Variants in VSX2 observed in about 807,000 individuals in gnomAD.
VSX2 encodes the protein visual system homeobox 2, also known as ceh-10 homeo domain containing homolog.
VSX2 carries 28 observed loss-of-function variants against 32.1 expected under a neutral mutation model. The ratio of observed to expected loss-of-function variants is 0.87; its 90% CI spans 0.65 to 1.20. The LOEUF is 1.20. VSX2 is among the 50% of genes most tolerant of loss of function. The pLI, the probability that VSX2 is intolerant of heterozygous loss-of-function variation, is 0.00. For missense variants in VSX2, 506 were observed against 488.7 expected, an observed-to-expected ratio of 1.04 and a Z score of -0.33; for synonymous variants, 243 against 214.1, an observed-to-expected ratio of 1.14 and a Z score of -1.18.
chr14:74,260,581 C>A lies in VSX2; in HGVS notation c.761-13C>A. The A allele has an allele frequency of 6.3e-7, 1 of 1,592,646 alleles. No individual in the cohort carries two copies. Among genetic ancestry groups the A allele is most frequent in the Non-Finnish European group, 8.5e-7 (1 of 1,169,868 alleles). Reference sequence around the variant, plus strand: ...GCGCTTTTCTAAACCCGAATACCAACAATTCTTTCTAGGGATGCACAAAAA... The same window carrying A: ...GCGCTTTTCTAAACCCGAATACCAAAAATTCTTTCTAGGGATGCACAAAAA... On this transcript the variant is annotated splice_polypyrimidine_tract_variant and intron_variant, in intron 4 of 4. Coordinates refer to ENST00000261980, the MANE Select transcript of VSX2 (RefSeq NM_182894.3).
chr14:74,259,904 T>C, intron 4 of VSX2, 122 bp downstream of exon 4: 1 of 1,095,372 alleles, frequency 9.1e-7, no homozygotes, highest in Non-Finnish European at 1.3e-6. Context: ...GGAGAGAAAT[T>C]CTTCAAAGCA....
chr14:74,258,531 C>T (rs1158628065), intron 3 of VSX2, among the ~76,000 whole-genome samples: 2 of 152,146 alleles, frequency 1.3e-5, no homozygotes, highest in Non-Finnish European at 2.9e-5. Flanking sequence ...ACTCGCTGCC[C>T]CCGGGGTCTG....
At chr14:74,244,610 G>C (rs894538808) in intron 2 of VSX2, among the ~76,000 whole-genome samples, 3 of 152,176 alleles carry the variant, frequency 2.0e-5, no homozygotes, top group Admixed American at 2.0e-4. Context: ...AGGGGCCCAG[G>C]AAGCTGGTCT....
chr14:74,239,877 C>A lies in VSX2; in HGVS notation c.316C>A (p.Gln106Lys), dbSNP rs1334994559. ...VLSDPQSVHL[Q>K]PLGRASGPLD... ...GTCCGACCCGCAGAGCGTCCACTTG[C>A]AGCCATTGGGCAGAGCATCGGGGCC... The change falls in exon 1 of 5, where the codon CAG becomes AAG. Residue 106 changes from glutamine (Q) to lysine (K), a missense_variant. Coordinates refer to ENST00000261980, the MANE Select transcript of VSX2 (RefSeq NM_182894.3). 1 of 1,576,288 alleles carries A rather than the reference C, an allele frequency of 6.3e-7. No individual in the cohort carries two copies.
intron 3 of VSX2, among the ~76,000 whole-genome samples, chr14:74,251,395 A>G (rs1475377936): frequency 1.3e-5 from 2 of 152,228 alleles, no homozygotes; most frequent in Admixed American, 6.5e-5. Context: ...GGTTGCAGTG[A>G]GCCGAGATCG....
chr14:74,255,754 G>A (rs1160331341), intron 3 of VSX2, among the ~76,000 whole-genome samples: 1 of 151,458 alleles, frequency 6.6e-6, no homozygotes, highest in African/African-American at 2.4e-5. Context: ...CACACTGGGT[G>A]GGTGGGGGCA....
chr14:74,262,284 T>C lies in VSX2; in HGVS notation c.*1365T>C, dbSNP rs917305215. 8.5e-5 allele frequency: 13 copies of C among 152,340 alleles called. No individual in the cohort carries two copies. The highest frequency in any genetic ancestry group is 3.1e-4 in the African/African-American group (13 of 41,450). The allele number at this position is 152,340 out of a possible 1,614,324, so 9.4% of individuals were successfully genotyped here. A position where few individuals can be genotyped will look rare whatever the true frequency, so the allele number is the denominator to read the frequency against. On this transcript the variant is annotated 3_prime_UTR_variant, in exon 5 of 5. Transcript: ENST00000261980. ...GCTGGCTGATGGGTGGACCTGTGTATGGTGACCTCTCCGGCCTGGCCTTTT... is the reference window on the plus strand; with the variant it reads ...GCTGGCTGATGGGTGGACCTGTGTACGGTGACCTCTCCGGCCTGGCCTTTT...
intron 3 of VSX2, among the ~76,000 whole-genome samples, chr14:74,246,272 C>T (rs952052849): frequency 6.6e-6 from 1 of 152,178 alleles, no homozygotes; most frequent in Non-Finnish European, 1.5e-5. Flanking sequence ...CCTGGAACTG[C>T]TCTGCTCTGC....
chr14:74,248,334 T>TAAAAAAAAAAAA (rs781035795), intron 3 of VSX2, among the ~76,000 whole-genome samples: 19 of 84,716 alleles, frequency 2.2e-4, no homozygotes, highest in Non-Finnish European at 2.8e-4. Flanking sequence ...GAGACCAGGC[T>TAAAAAAAAAAAA]AAAAAAAAAA....
Position 74,239,876 on chromosome 14 carries a change from G to A in VSX2, c.315G>A (p.Leu105=). Residue 105 remains leucine (L), a synonymous_variant, in exon 1 of 5, where the codon TTG becomes TTA. Transcript: ENST00000261980. ...EVLSDPQSVH[L]QPLGRASGPL... ...TGTCCGACCCGCAGAGCGTCCACTT[G>A]CAGCCATTGGGCAGAGCATCGGGGC... 6.3e-7 allele frequency: 1 copy of A among 1,576,226 alleles called. No individual in the cohort carries two copies. The highest frequency in any genetic ancestry group is 8.6e-7 in the Non-Finnish European group (1 of 1,162,104).
chr14:74,256,851 T>C (rs1423569857), intron 3 of VSX2, among the ~76,000 whole-genome samples: 1 of 151,902 alleles, frequency 6.6e-6, no homozygotes, highest in Non-Finnish European at 1.5e-5. Context: ...TTTTTGTATC[T>C]TTAGTAGAGA....
chr14:74,243,999 G>A (rs1320019958), intron 2 of VSX2, among the ~76,000 whole-genome samples: 1 of 152,176 alleles, frequency 6.6e-6, no homozygotes, highest in African/African-American at 2.4e-5. Context: ...TTGCCTGTTG[G>A]CTTGTTAATG....
intron 1 of VSX2, 132 bp from the exon 2 acceptor site, chr14:74,241,050 C>A (rs2079146770): frequency 1.1e-6 from 1 of 895,846 alleles, no homozygotes; most frequent in Non-Finnish European, 1.8e-6. Flanking sequence ...CCGGGGCGCC[C>A]GCAGGCTTCC....
intron 2 of VSX2, 64 bp downstream of exon 2, chr14:74,241,330 G>C: frequency 6.4e-7 from 1 of 1,555,244 alleles, no homozygotes; most frequent in Admixed American, 1.7e-5. Flanking sequence ...CCCGTTCCGG[G>C]ATCGGGTCTC....
intron 3 of VSX2, among the ~76,000 whole-genome samples, chr14:74,247,046 G>A (rs749327397): frequency 4.6e-5 from 7 of 152,012 alleles, no homozygotes; most frequent in South Asian, 2.1e-4. Flanking sequence ...AGAGCTCATC[G>A]CCCTGGGACT....
Position 74,239,647 on chromosome 14 carries a change from G to T in VSX2, c.86G>T (p.Cys29Phe). Residue 29 changes from cysteine (C) to phenylalanine (F), a missense_variant, in exon 1 of 5, where the codon TGC (cysteine) becomes TTC (phenylalanine). Transcript: ENST00000261980. Reference protein sequence around the residue: ...KSTSGGAPARCTGFGIQEILG... With the variant: ...KSTSGGAPARFTGFGIQEILG... ...ACCTCGGGGGGCGCCCCGGCCAGGTGCACTGGGTTCGGCATCCAGGAGATC... is the reference window on the plus strand; with the variant it reads ...ACCTCGGGGGGCGCCCCGGCCAGGTTCACTGGGTTCGGCATCCAGGAGATC... The T allele has an allele frequency of 6.4e-7, 1 of 1,550,756 alleles. No homozygotes were observed.
Position 74,260,704 on chromosome 14 carries a change from G to A in VSX2, c.871G>A (p.Asp291Asn), listed in dbSNP as rs75395981. 21,016 of 1,593,940 alleles carry A rather than the reference G, an allele frequency of 0.013. 542 individuals carry two copies. The highest frequency in any genetic ancestry group is 0.11 in the Admixed American group (6,255 of 56,478). Residue 291 changes from aspartate (D) to asparagine (N), a missense_variant, in exon 5 of 5, where the codon GAC (aspartate) becomes AAC (asparagine). Asp to Asn is a conservative substitution (Grantham distance 23). Coordinates refer to ENST00000261980, the MANE Select transcript of VSX2 (RefSeq NM_182894.3). ...DKMEQDERGP[D>N]AQAAISQEEL... The stretch of plus-strand genomic sequence containing the variant: ...GATGGAGCAGGACGAGCGGGGCCCC[G>A]ACGCTCAGGCGGCCATCTCCCAGGA...
chr14:74,259,132 C>T (rs2079286341), intron 3 of VSX2, among the ~76,000 whole-genome samples: 1 of 152,196 alleles, frequency 6.6e-6, no homozygotes, highest in Non-Finnish European at 1.5e-5. Flanking sequence ...ATCCCTCACT[C>T]ACCTGCAGCC....
chr14:74,253,941 TAAAGA>T (rs771453264), intron 3 of VSX2, among the ~76,000 whole-genome samples: 15 of 150,206 alleles, frequency 1.0e-4, no homozygotes, highest in South Asian at 4.2e-4. Context: ...AAAAAGAAAG[TAAAGA>T]AAAGAAAAGA....
Sources: allele counts gnomAD v4.1 joint callset (sites outside exome capture counted in the v4.1 genomes callset), GRCh38; gene constraint gnomAD v4.1.1; transcripts MANE v1.5; gene names NCBI Gene and HGNC (gene_info 2026-07-23, HGNC 2026-07-21).